The following SLC9B1 variants were observed in gnomAD, a reference collection of about 807,000 sequenced individuals.
The protein encoded by SLC9B1 is solute carrier family 9 member B1.
A neutral mutation model predicts 51.7 loss-of-function variants in SLC9B1; 32 were observed. That is an observed-to-expected ratio of 0.62 (90% CI 0.47 to 0.83). The LOEUF (loss-of-function observed/expected upper bound fraction) is 0.83. Among genes scored for constraint, SLC9B1 ranks in the 40% least tolerant of loss-of-function variants. The pLI, the probability that SLC9B1 is intolerant of heterozygous loss-of-function variation, is 0.00. For missense variants in SLC9B1, 406 were observed against 613.2 expected, an observed-to-expected ratio of 0.66 and a Z score of 3.57; for synonymous variants, 145 against 212.7, an observed-to-expected ratio of 0.68 and a Z score of 2.77.
At chr4:102,927,559 A>T (rs547278899) in intron 7 of SLC9B1, among the ~76,000 whole-genome samples, 3 of 152,220 alleles carry the variant, frequency 2.0e-5, no homozygotes, top group Non-Finnish European at 4.4e-5. Flanking sequence ...GGCAATCATT[A>T]AAAAGTCAGG....
At chr4:102,986,070 C>T (rs1739604153) in intron 3 of SLC9B1, among the ~76,000 whole-genome samples, 1 of 152,040 alleles carries the variant, frequency 6.6e-6, no homozygotes, top group Admixed American at 6.6e-5. Flanking sequence ...TCCTTTTTTA[C>T]ATAGATGTGA....
intron 3 of SLC9B1, among the ~76,000 whole-genome samples, chr4:102,961,058 C>A (rs1351930187): frequency 6.6e-6 from 1 of 151,992 alleles, no homozygotes; most frequent in African/African-American, 2.4e-5. Flanking sequence ...AAAATTATAT[C>A]AAAATTGGTA....
chr4:102,932,254 C>A lies in SLC9B1; in HGVS notation c.699G>T (p.Met233Ile), dbSNP rs764995632. 3.8e-5 allele frequency: 62 copies of A among 1,611,694 alleles called. No individual in the cohort carries two copies. The highest frequency in any genetic ancestry group is 5.0e-5 in the Non-Finnish European group (59 of 1,179,790). Reference protein sequence around the residue: ...AVSPAVVVPYMMVLQENGYGV... With the variant: ...AVSPAVVVPYIMVLQENGYGV... ...CATATCCATTTTCTTGCAGCACCAT[C>A]ATGTAAGGGACAACAACAGCAGGAG... Residue 233 changes from methionine (M) to isoleucine (I), a missense_variant, in exon 7 of 12, where the codon ATG (methionine) becomes ATT (isoleucine). Around this residue, in one of 6 missense-constraint regions of SLC9B1, gnomAD observed 250 missense variants for 394.1 expected, o/e 0.63. Transcript: ENST00000296422.
Position 102,991,713 on chromosome 4 carries a change from C to T in SLC9B1, c.-1-1G>A, listed in dbSNP as rs2110519401. 1 of 1,565,594 alleles carries T rather than the reference C, an allele frequency of 6.4e-7. No homozygotes were observed. The highest frequency in any genetic ancestry group is 8.7e-7 in the Non-Finnish European group (1 of 1,153,134). Reference sequence around the variant, plus strand: ...ATTTTTTGATTCTGTGGTATGCATGCTAAGATTTAAAAGAAAAATACTTTA... The same window carrying T: ...ATTTTTTGATTCTGTGGTATGCATGTTAAGATTTAAAAGAAAAATACTTTA... On this transcript the variant is annotated splice_acceptor_variant, in intron 1 of 11. Transcript: ENST00000296422. LOFTEE classifies it low-confidence loss of function (5UTR_SPLICE).
intron 1 of SLC9B1, among the ~76,000 whole-genome samples, chr4:102,994,784 C>A (rs1020067472): frequency 9.9e-5 from 15 of 152,086 alleles, no homozygotes; most frequent in Middle Eastern, 3.2e-3. Flanking sequence ...AGGGGAAATG[C>A]CAGACAATTA....
intron 11 of SLC9B1, among the ~76,000 whole-genome samples, chr4:102,885,888 T>C (rs192723435): frequency 6.6e-6 from 1 of 152,342 alleles, no homozygotes; most frequent in Admixed American, 6.5e-5. Context: ...ATATGTAAAC[T>C]GCTTTAATAA....
chr4:102,928,753 C>G (rs1023116788), intron 7 of SLC9B1, among the ~76,000 whole-genome samples: 16 of 152,060 alleles, frequency 1.1e-4, no homozygotes, highest in African/African-American at 3.9e-4. Flanking sequence ...GGCAAGGAAT[C>G]TAGTATTGGC....
At chr4:103,016,606 G>A (rs940207137) in intron 1 of SLC9B1, 9 of 138,994 alleles carry the variant, frequency 6.5e-5, no homozygotes, top group Non-Finnish European at 1.2e-4. Context: ...GCCATGTTTT[G>A]TAGTCTTGGC....
chr4:102,986,831 C>T (rs982734109), intron 3 of SLC9B1, among the ~76,000 whole-genome samples: 1 of 152,142 alleles, frequency 6.6e-6, no homozygotes, highest in African/African-American at 2.4e-5. Context: ...TTACAATTTT[C>T]ATCCTGTTTA....
In SLC9B1 at chr4:102,911,414, A is replaced by C. The variant is rs777732597; in HGVS notation, c.936+17T>G. On this transcript the variant is annotated intron_variant, in intron 8 of 11. Transcript: ENST00000296422. ...ATGTCTAATACTATACTTCTATAAA[A>C]TAGATTTTGTATTTACCTGGTCTTC... The C allele has an allele frequency of 7.1e-6, 11 of 1,543,250 alleles. No individual in the cohort carries two copies. Among genetic ancestry groups the C allele is most frequent in the Non-Finnish European group, 1.8e-6 (2 of 1,134,090 alleles).
chr4:102,931,224 T>C (rs1227243663), intron 7 of SLC9B1, among the ~76,000 whole-genome samples: 1 of 74,728 alleles, frequency 1.3e-5, no homozygotes, highest in African/African-American at 7.0e-5. Flanking sequence ...AGACTCCGCC[T>C]CAAAAAAAAA....
In SLC9B1 at chr4:102,961,098, C is replaced by A. The variant is rs1738092448; in HGVS notation, c.212-11671G>T. Among the ~76,000 whole-genome samples the A allele has an allele frequency of 8.5e-5, 13 of 152,104 alleles. No homozygotes were observed. The South Asian group carries it at 1.9e-3, about 22-fold the overall frequency. On this transcript the variant is annotated intron_variant, in intron 3 of 11. Transcript: ENST00000296422. ...TCTATTATGTAATCATAAATTATAT[C>A]AAATATGCTGTTTTGAATTTTATTT...
At chr4:102,903,409 G>C (rs1734878581) in intron 11 of SLC9B1, among the ~76,000 whole-genome samples, 1 of 152,164 alleles carries the variant, frequency 6.6e-6, no homozygotes, top group African/African-American at 2.4e-5. Context: ...AGCACTTTAC[G>C]TGGATTATCT....
intron 11 of SLC9B1, among the ~76,000 whole-genome samples, chr4:102,903,763 C>T (rs1734896157): frequency 6.6e-6 from 1 of 152,196 alleles, no homozygotes; most frequent in Non-Finnish European, 1.5e-5. Flanking sequence ...GGCAAAATTA[C>T]AAGGTTTCCC....
intron 1 of SLC9B1, among the ~76,000 whole-genome samples, chr4:102,995,776 C>T (rs899990736): frequency 2.0e-5 from 3 of 152,072 alleles, no homozygotes; most frequent in Admixed American, 2.0e-4. Context: ...TCTCCACTGG[C>T]CTCAATTTCC....
intron 1 of SLC9B1, among the ~76,000 whole-genome samples, chr4:103,007,409 C>T (rs950078686): frequency 6.6e-6 from 1 of 151,978 alleles, no homozygotes; most frequent in Non-Finnish European, 1.5e-5. Flanking sequence ...ATACAGCTAA[C>T]CAGGGAAGTG....
At chr4:102,913,956 C>A (rs1391574235) in intron 7 of SLC9B1, among the ~76,000 whole-genome samples, 1 of 152,072 alleles carries the variant, frequency 6.6e-6, no homozygotes, top group East Asian at 1.9e-4. Context: ...TTTATCAAGA[C>A]AGGGGAATTG....
chr4:102,990,264 C>T (rs1263511860), intron 2 of SLC9B1, among the ~76,000 whole-genome samples: 2 of 151,928 alleles, frequency 1.3e-5, no homozygotes, highest in Non-Finnish European at 2.9e-5. Flanking sequence ...AAAGATTATT[C>T]ACCAAAACTT....
At chr4:103,013,301 T>C (rs1741170104) in intron 1 of SLC9B1, among the ~76,000 whole-genome samples, 1 of 152,230 alleles carries the variant, frequency 6.6e-6, no homozygotes, top group South Asian at 2.1e-4. Flanking sequence ...AAATAAAGCT[T>C]CCTGCAATGC....
Sources: allele counts gnomAD v4.1 joint callset (sites outside exome capture counted in the v4.1 genomes callset), GRCh38; gene constraint gnomAD v4.1.1; regional missense constraint gnomAD v4.1.1; transcripts MANE v1.5; gene names NCBI Gene and HGNC (gene_info 2026-07-23, HGNC 2026-07-21).